ULK4: variants seen among roughly 807,000 people sequenced by gnomAD.
The protein encoded by ULK4 is inactive serine/threonine-protein kinase ULK4.
Under a neutral mutation model 160.6 loss-of-function variants are expected in ULK4, and 133 were observed. That is an observed-to-expected ratio of 0.83 (90% CI 0.72 to 0.96). ULK4 has a LOEUF of 0.96. Among genes scored for constraint, ULK4 ranks in the 40% least tolerant of loss-of-function variants. The probability of loss-of-function intolerance (pLI) is 0.00; values close to 1 mark genes in which losing one functional copy is unlikely to be tolerated. For synonymous variants in ULK4, 534 were observed against 539.8 expected (o/e 0.99, Z 0.15); for missense variants, 1,580 against 1,499.5 (o/e 1.05, Z -0.89).
intron 35 of ULK4, among the ~76,000 whole-genome samples, chr3:41,253,754 TTGTG>T (rs1029045618): frequency 2.6e-5 from 4 of 152,198 alleles, no homozygotes; most frequent in Admixed American, 2.0e-4. Flanking sequence ...CAACCATCTA[TTGTG>T]TGTAAGAATC....
chr3:41,765,285 A>G (rs2039120939), intron 21 of ULK4, among the ~76,000 whole-genome samples: 1 of 152,160 alleles, frequency 6.6e-6, no homozygotes, highest in South Asian at 2.1e-4. Context: ...GGAAACCATC[A>G]TTCTGGGCAA....
At chr3:41,411,592 C>T (rs2082410718) in intron 34 of ULK4, among the ~76,000 whole-genome samples, 1 of 151,818 alleles carries the variant, frequency 6.6e-6, no homozygotes, top group African/African-American at 2.4e-5. Context: ...GCCACCATGC[C>T]CATCTAATTT....
intron 35 of ULK4, among the ~76,000 whole-genome samples, chr3:41,386,276 T>A (rs1300654250): frequency 1.3e-5 from 2 of 152,186 alleles, no homozygotes; most frequent in Non-Finnish European, 2.9e-5. Context: ...TGTGGCCTGC[T>A]TTCACATTCA....
chr3:41,379,119 G>A (rs1263333881), intron 35 of ULK4, among the ~76,000 whole-genome samples: 1 of 151,778 alleles, frequency 6.6e-6, no homozygotes, highest in African/African-American at 2.4e-5. Flanking sequence ...ACGAGTTGAT[G>A]GGTGCAGCAA....
At chr3:41,947,297 C>T (rs890463766) in intron 2 of ULK4, among the ~76,000 whole-genome samples, 23 of 151,960 alleles carry the variant, frequency 1.5e-4, no homozygotes, top group African/African-American at 3.9e-4. Context: ...GGCGACAGAG[C>T]GAGACAGGTA....
intron 35 of ULK4, among the ~76,000 whole-genome samples, chr3:41,285,441 C>T (rs916881768): frequency 3.9e-5 from 6 of 152,164 alleles, no homozygotes; most frequent in Non-Finnish European, 7.4e-5. Context: ...GCATTTGCAG[C>T]GACCTGGATG....
intron 32 of ULK4, among the ~76,000 whole-genome samples, chr3:41,522,008 AT>A (rs1422987696): frequency 2.6e-5 from 4 of 152,150 alleles, no homozygotes; most frequent in Non-Finnish European, 1.5e-5. Flanking sequence ...AGGATGCACA[AT>A]TCATTGTATG....
chr3:41,572,086 T>A (rs2087997846), intron 31 of ULK4, among the ~76,000 whole-genome samples: 1 of 152,248 alleles, frequency 6.6e-6, no homozygotes, highest in African/African-American at 2.4e-5. Context: ...CATTCTACTA[T>A]TTTTATCAGT....
At position 41,353,672 on chromosome 3, in the gene ULK4, A is replaced by AAAT. The variant is rs142972443; in HGVS notation, c.3678+44404_3678+44406dup. Among the ~76,000 whole-genome samples, 1,146 of 142,326 alleles carry AAAT rather than the reference A, an allele frequency of 8.1e-3. 21 individuals carry two copies. Among genetic ancestry groups the AAAT allele is most frequent in the East Asian group, 0.07 (329 of 4,720 alleles). 93.4% of individuals were successfully genotyped at this position (142,326 alleles called of 152,430 possible). ...AATGGAGCAAGACCCTTTCTCTAAT[A>AAAT]AATAATAATAATAATAATAATTACA... On this transcript the variant is annotated intron_variant, in intron 35 of 36. Transcript: ENST00000301831.
chr3:41,515,418 A>AG, intron 32 of ULK4, among the ~76,000 whole-genome samples: 1 of 152,352 alleles, frequency 6.6e-6, no homozygotes, highest in South Asian at 2.1e-4. Context: ...TGGATGACAC[A>AG]GAAAATGCAC....
chr3:41,662,418 C>T (rs1164356090), intron 30 of ULK4, among the ~76,000 whole-genome samples: 2 of 152,184 alleles, frequency 1.3e-5, no homozygotes, highest in Non-Finnish European at 2.9e-5. Flanking sequence ...ACCCAAAAAC[C>T]GTGAGCAACT....
intron 35 of ULK4, among the ~76,000 whole-genome samples, chr3:41,377,237 A>C (rs1001799751): frequency 1.3e-5 from 2 of 152,244 alleles, no homozygotes; most frequent in Non-Finnish European, 2.9e-5. Context: ...GATGGATTAA[A>C]GACTTACACG....
At chr3:41,311,877 C>CATGTATATATATATATAT (rs1553641795) in intron 35 of ULK4, among the ~76,000 whole-genome samples, 2 of 146,574 alleles carry the variant, frequency 1.4e-5, no homozygotes, top group African/African-American at 5.2e-5. Flanking sequence ...AAACTCTCCT[C>CATGTATATATATATATAT]ATATATATAT....
intron 31 of ULK4, among the ~76,000 whole-genome samples, chr3:41,587,507 C>T (rs557342146): frequency 5.3e-5 from 8 of 152,204 alleles, no homozygotes; most frequent in African/African-American, 1.9e-4. Context: ...TTGAATTTGA[C>T]TCCATGTAGA....
intron 31 of ULK4, among the ~76,000 whole-genome samples, chr3:41,598,591 A>G (rs748383663): frequency 6.6e-6 from 1 of 152,166 alleles, no homozygotes; most frequent in African/African-American, 2.4e-5. Flanking sequence ...AAAATATCAT[A>G]AATTCTAATC....
At chr3:41,790,715 A>C (rs1410853482) in intron 20 of ULK4, among the ~76,000 whole-genome samples, 1 of 152,206 alleles carries the variant, frequency 6.6e-6, no homozygotes, top group Non-Finnish European at 1.5e-5. Context: ...AAAGAAGTAC[A>C]CAGTAGGAAA....
intron 27 of ULK4, among the ~76,000 whole-genome samples, chr3:41,700,717 G>A (rs1478574763): frequency 6.6e-6 from 1 of 152,038 alleles, no homozygotes; most frequent in Non-Finnish European, 1.5e-5. Flanking sequence ...GAAGATTTGG[G>A]CAACAACAAG....
intron 33 of ULK4, among the ~76,000 whole-genome samples, chr3:41,458,409 G>C (rs1016141336): frequency 6.6e-6 from 1 of 152,140 alleles, no homozygotes; most frequent in Admixed American, 6.5e-5. Context: ...TGACAGTTAT[G>C]CTCTAGTGTG....
chr3:41,856,626 T>TAC (rs2042371391), intron 17 of ULK4, among the ~76,000 whole-genome samples: 1 of 135,538 alleles, frequency 7.4e-6, no homozygotes, highest in South Asian at 2.2e-4. Context: ...CACATATATA[T>TAC]ATATGTATAT....
Sources: gnomAD v4.1 joint callset for allele counts (sites outside exome capture counted in the v4.1 genomes callset) on GRCh38, gnomAD v4.1.1 for gene constraint, MANE v1.5 for transcripts, NCBI Gene and HGNC (gene_info 2026-07-23, HGNC 2026-07-21) for gene names.